CA5B: variants seen among roughly 807,000 people sequenced by gnomAD.
CA5B encodes carbonic anhydrase 5B, mitochondrial.
A neutral mutation model predicts 23.1 loss-of-function variants in CA5B; 15 were observed. The observed-to-expected ratio is 0.65, with a 90% CI of 0.43 to 1.00. The LOEUF is 1.00. Among genes scored for constraint, CA5B ranks in the 50% least tolerant of loss-of-function variants. CA5B has a pLI of 0.00. For missense variants in CA5B, 236 were observed against 252.2 expected (o/e 0.94, Z 0.43); for synonymous variants, 84 against 98.5 (o/e 0.85, Z 0.87).
At chrX:15,749,865 T>A (rs1304851335) in intron 1 of CA5B, 106 bp from the exon 2 acceptor site, 1 of 563,264 alleles carries the variant, frequency 1.8e-6, no homozygotes, top group African/African-American at 2.3e-5. Context: ...TCCCTCCACC[T>A]CAGGGTGTGT....
intron 2 of CA5B, among the ~76,000 whole-genome samples, chrX:15,754,185 G>A (rs780008042): frequency 8.9e-6 from 1 of 112,025 alleles, no homozygotes; most frequent in East Asian, 2.8e-4. Context: ...CCCCTGGCCA[G>A]GGTAGGGGGG....
At chrX:15,764,412 G>A (rs1159120639) in intron 2 of CA5B, among the ~76,000 whole-genome samples, 166 bp from the exon 3 acceptor site, 6 of 110,589 alleles carry the variant, frequency 5.4e-5, no homozygotes, top group African/African-American at 2.0e-4. Flanking sequence ...ATAATTTTTT[G>A]CATATTTTGT....
intron 2 of CA5B, among the ~76,000 whole-genome samples, chrX:15,755,151 C>T (rs940845454): frequency 8.9e-6 from 1 of 111,923 alleles, no homozygotes; most frequent in African/African-American, 3.3e-5. Context: ...ACTCAGGATG[C>T]CCCTAGATTG....
Position 15,781,780 on chromosome X carries a change from C to T in CA5B, c.775-705C>T, listed in dbSNP as rs187347623. On this transcript the variant is annotated intron_variant, in intron 7 of 7. Coordinates refer to ENST00000318636, the MANE Select transcript of CA5B (RefSeq NM_007220.4). The stretch of plus-strand genomic sequence containing the variant: ...AAATTAAAAAATTAGCTGGGTGTGG[C>T]AGCATGTGCCTATAATCCCAGCTAC... Among the ~76,000 whole-genome samples, 393 of 110,756 alleles carry T rather than the reference C, an allele frequency of 3.5e-3. 1 individual carries two copies. The highest frequency in any genetic ancestry group is 6.2e-3 in the Non-Finnish European group (328 of 52,875).
chrX:15,753,720 C>A (rs1200729535), intron 2 of CA5B, among the ~76,000 whole-genome samples: 1 of 111,965 alleles, frequency 8.9e-6, no homozygotes, highest in African/African-American at 3.2e-5. Flanking sequence ...ATCAGCCTGG[C>A]CAACATGGTG....
At chrX:15,752,261 G>C (rs1405230966) in intron 2 of CA5B, among the ~76,000 whole-genome samples, 1 of 111,348 alleles carries the variant, frequency 9.0e-6, no homozygotes, top group East Asian at 2.8e-4. Context: ...ATTCTCACCA[G>C]ATGGGTTTTA....
At chrX:15,762,487 G>C (rs1601787194) in intron 2 of CA5B, among the ~76,000 whole-genome samples, 1 of 107,635 alleles carries the variant, frequency 9.3e-6, no homozygotes, top group African/African-American at 3.4e-5. Flanking sequence ...TGTCACCCAG[G>C]CTGGAGTGCA....
intron 4 of CA5B, among the ~76,000 whole-genome samples, chrX:15,773,798 C>T (rs966799554): frequency 1.2e-4 from 13 of 111,465 alleles, no homozygotes; most frequent in East Asian, 5.6e-4. Flanking sequence ...AAGTGATTCT[C>T]CCACCTTGAC....
At chrX:15,757,296 G>A (rs937089607) in intron 2 of CA5B, among the ~76,000 whole-genome samples, 3 of 111,638 alleles carry the variant, frequency 2.7e-5, no homozygotes, top group Admixed American at 9.5e-5. Flanking sequence ...AGATCACAAG[G>A]TCAAGAGATC....
chrX:15,762,972 A>G, intron 2 of CA5B: 1 of 324,361 alleles, frequency 3.1e-6, no homozygotes. Flanking sequence ...ACTCTGGAAG[A>G]AAATCAGCAT....
In CA5B at chrX:15,776,728, A is replaced by G. The variant is rs1405379787; in HGVS notation, c.633A>G (p.Glu211=). The change falls in exon 7 of 8, where the codon GAA becomes GAG. Residue 211 remains glutamate (E), a synonymous_variant. Coordinates refer to ENST00000318636, the MANE Select transcript of CA5B (RefSeq NM_007220.4). ...PSIKHKDALV[E]FGSFDPSCLM... is the part of the protein sequence containing the mutation. Reference sequence around the variant, plus strand: ...CTCTTGGCCAGGACGCCCTTGTGGAATTTGGGTCATTTGACCCTTCCTGCC... The same window carrying G: ...CTCTTGGCCAGGACGCCCTTGTGGAGTTTGGGTCATTTGACCCTTCCTGCC... The G allele has an allele frequency of 2.5e-6, 3 of 1,207,203 alleles. No homozygotes were observed. The highest frequency in any genetic ancestry group is 3.4e-6 in the Non-Finnish European group (3 of 892,924).
intron 1 of CA5B, among the ~76,000 whole-genome samples, chrX:15,740,990 A>G (rs1931107849): frequency 9.0e-6 from 1 of 110,811 alleles, no homozygotes; most frequent in Non-Finnish European, 1.9e-5. Context: ...TGAGCGTGGG[A>G]GGCGGAGGGT....
rs1247196297 is a variant in CA5B, at chrX:15,787,370, G to A, written c.*4706G>A. On this transcript the variant is annotated 3_prime_UTR_variant, in exon 8 of 8. Transcript: ENST00000318636. ...TACAAGCAAGGAAGAAGGGAGAACT[G>A]GGTCAGTCCAAGGCCACCTGGAGAA... 2.7e-5 allele frequency: 3 copies of A among 111,910 alleles called. No individual in the cohort carries two copies. The highest frequency in any genetic ancestry group is 5.6e-5 in the Non-Finnish European group (3 of 53,166). The allele number at this position is 111,910 out of a possible 1,213,427, so 9.2% of individuals were successfully genotyped here.
In CA5B at chrX:15,752,622, T is replaced by G. The variant is rs758084223; in HGVS notation, c.142+2457T>G. On this transcript the variant is annotated intron_variant, in intron 2 of 7. Transcript: ENST00000318636. ...CGCCTGCAGTCCCAGCTACTAAGGATGCTGAGGCATGAGAATGGCGTGAAC... is the reference window on the plus strand; with the variant it reads ...CGCCTGCAGTCCCAGCTACTAAGGAGGCTGAGGCATGAGAATGGCGTGAAC... 2.0e-3 allele frequency among the ~76,000 whole-genome samples: 222 copies of G among 110,041 alleles called. 1 individual carries two copies. The highest frequency in any genetic ancestry group is 6.3e-3 in the East Asian group (22 of 3,471).
At chrX:15,773,211 G>GT (rs1348635918) in intron 4 of CA5B, among the ~76,000 whole-genome samples, 1 of 110,520 alleles carries the variant, frequency 9.0e-6, no homozygotes, top group Non-Finnish European at 1.9e-5. Context: ...TAAATGTTAT[G>GT]TAAAAAAAGC....
intron 3 of CA5B, chrX:15,766,931 T>G (rs1931721259): frequency 3.0e-6 from 1 of 338,066 alleles, no homozygotes; most frequent in Non-Finnish European, 5.6e-6. Flanking sequence ...CCTTCTCAAC[T>G]GGAAGTCCAT....
chrX:15,752,711 C>T lies in CA5B; in HGVS notation c.142+2546C>T, dbSNP rs759568873. Among the ~76,000 whole-genome samples the T allele has an allele frequency of 3.4e-3, 326 of 96,908 alleles. 1 individual carries two copies. The highest frequency in any genetic ancestry group is 8.5e-3 in the African/African-American group (224 of 26,223). The allele number at this position is 96,908 out of a possible 115,157, so 84.2% of individuals were successfully genotyped here. A position where few individuals can be genotyped will look rare whatever the true frequency, so the allele number is the denominator to read the frequency against. On this transcript the variant is annotated intron_variant, in intron 2 of 7. Coordinates refer to ENST00000318636, the MANE Select transcript of CA5B (RefSeq NM_007220.4). Reference sequence around the variant, plus strand: ...CTGCACTCCAGCCTGGGCGACAGAGCGAGACTCTGTCTCAAAAAAAAAAAA... The same window carrying T: ...CTGCACTCCAGCCTGGGCGACAGAGTGAGACTCTGTCTCAAAAAAAAAAAA...
chrX:15,747,986 C>T (rs1931271798), intron 1 of CA5B, among the ~76,000 whole-genome samples: 1 of 111,653 alleles, frequency 9.0e-6, no homozygotes, highest in Admixed American at 9.5e-5. Flanking sequence ...AAGTGGCGGA[C>T]TGCAGCAGAT....
chrX:15,755,627 G>A (rs1259492226), intron 2 of CA5B, among the ~76,000 whole-genome samples: 4 of 112,321 alleles, frequency 3.6e-5, no homozygotes, highest in East Asian at 5.6e-4. Flanking sequence ...AATATGAGCC[G>A]TATGGGTCAT....
Sources: gnomAD v4.1 joint callset for allele counts (sites outside exome capture counted in the v4.1 genomes callset) on GRCh38, gnomAD v4.1.1 for gene constraint, MANE v1.5 for transcripts, NCBI Gene and HGNC (gene_info 2026-07-23, HGNC 2026-07-21) for gene names.